Variants in TBC1D5 observed in about 807,000 individuals in gnomAD.
TBC1D5 encodes TBC1 domain family, member 5.
Under a neutral mutation model 100.3 loss-of-function variants are expected in TBC1D5, and 75 were observed. The observed-to-expected ratio is 0.75, with a 90% CI of 0.62 to 0.91. The LOEUF (loss-of-function observed/expected upper bound fraction) is 0.91, where lower values mean the gene tolerates loss of function less well. Ranked by LOEUF, TBC1D5 falls within the 40% of genes least tolerant of loss-of-function variation. TBC1D5 has a pLI of 0.00. For missense variants in TBC1D5, 910 were observed against 942.4 expected (o/e 0.97, Z 0.45); for synonymous variants, 323 against 325.6 (o/e 0.99, Z 0.09).
At chr3:17,716,557 C>T (rs1424435162) in intron 1 of TBC1D5, among the ~76,000 whole-genome samples, 1 of 152,064 alleles carries the variant, frequency 6.6e-6, no homozygotes, top group African/African-American at 2.4e-5. Flanking sequence ...CACCTTTATC[C>T]ATTAAACATA....
chr3:17,308,100 G>A (rs2083584695), exon 14 of TBC1D5: 2 of 1,601,128 alleles, frequency 1.2e-6, no homozygotes, highest in South Asian at 1.1e-5. Context: ...TCCTGCAGGG[G>A]GAACTCTCGT....
At chr3:17,280,633 C>G (rs2080478042) in intron 15 of TBC1D5, among the ~76,000 whole-genome samples, 1 of 152,158 alleles carries the variant, frequency 6.6e-6, no homozygotes, top group Admixed American at 6.5e-5. Context: ...AGGGGAAGAT[C>G]ATCTTCCTGC....
chr3:17,641,220 C>T (rs1489545796), intron 1 of TBC1D5, among the ~76,000 whole-genome samples: 1 of 152,076 alleles, frequency 6.6e-6, no homozygotes, highest in Non-Finnish European at 1.5e-5. Context: ...CCATTGCTTA[C>T]TTAAATCATG....
intron 15 of TBC1D5, among the ~76,000 whole-genome samples, chr3:17,272,223 A>G (rs1200252610): frequency 6.6e-6 from 1 of 152,216 alleles, no homozygotes; most frequent in African/African-American, 2.4e-5. Context: ...GATATCTAGA[A>G]TCTTCAAACT....
At chr3:17,465,966 T>G (rs1339488811) in intron 3 of TBC1D5, among the ~76,000 whole-genome samples, 1 of 152,214 alleles carries the variant, frequency 6.6e-6, no homozygotes, top group Non-Finnish European at 1.5e-5. Context: ...GGACATGATA[T>G]TATTTCAACT....
chr3:17,400,056 C>CT (rs939507067), intron 8 of TBC1D5, among the ~76,000 whole-genome samples: 4 of 152,088 alleles, frequency 2.6e-5, no homozygotes, highest in African/African-American at 9.7e-5. Flanking sequence ...TAATTATTCT[C>CT]TTTATCTATA....
intron 1 of TBC1D5, among the ~76,000 whole-genome samples, chr3:17,626,083 C>T (rs1397596005): frequency 6.6e-6 from 1 of 151,690 alleles, no homozygotes; most frequent in African/African-American, 2.4e-5. Context: ...TTAAGTTGGA[C>T]CATTTGAAGA....
intron 13 of TBC1D5, among the ~76,000 whole-genome samples, chr3:17,334,971 T>A (rs968329469): frequency 1.3e-5 from 2 of 152,118 alleles, no homozygotes; most frequent in Non-Finnish European, 2.9e-5. Flanking sequence ...TACTAAAATC[T>A]GTATAAAATA....
chr3:17,669,398 G>C (rs2067669937), intron 1 of TBC1D5, among the ~76,000 whole-genome samples: 1 of 152,030 alleles, frequency 6.6e-6, no homozygotes, highest in Non-Finnish European at 1.5e-5. Flanking sequence ...TTATAATTCA[G>C]GGGTTAAAAG....
rs78111217 is a variant in TBC1D5, at chr3:17,281,501, G to A, written c.1245+10394C>T. Among the ~76,000 whole-genome samples, 1,347 of 152,292 alleles carry A rather than the reference G, an allele frequency of 8.8e-3. 16 individuals carry two copies. Among genetic ancestry groups the A allele is most frequent in the African/African-American group, 0.03 (1,265 of 41,568 alleles). ...AGCTTGGAGGCTCACCCACGCGTAC[G>A]AAGTGGTCACTCCAGGTTCGTGTGA... On this transcript the variant is annotated intron_variant, in intron 15 of 21. Transcript: ENST00000253692.
At chr3:17,353,157 T>C (rs1051456030) in intron 13 of TBC1D5, among the ~76,000 whole-genome samples, 1 of 152,062 alleles carries the variant, frequency 6.6e-6, no homozygotes, top group Admixed American at 6.6e-5. Flanking sequence ...TGCAAGAGAC[T>C]TGGTATTACA....
At chr3:17,372,089 T>C in exon 13 of TBC1D5, 1 of 1,599,300 alleles carries the variant, frequency 6.3e-7, no homozygotes, top group Non-Finnish European at 8.5e-7. Flanking sequence ...CATATATCTG[T>C]GGTGCAATTT....
intron 15 of TBC1D5, among the ~76,000 whole-genome samples, chr3:17,261,075 T>C (rs1380065494): frequency 2.0e-5 from 3 of 152,176 alleles, no homozygotes; most frequent in Admixed American, 1.3e-4. Flanking sequence ...TACATGGCTA[T>C]AAAAATCAAC....
chr3:17,380,045 ATGTGTGTGTGTG>A (rs3041142), intron 9 of TBC1D5, among the ~76,000 whole-genome samples: 153 of 112,488 alleles, frequency 1.4e-3, no homozygotes, highest in Middle Eastern at 0.013. Context: ...GTGACTGTGT[ATGTGTGTGTGTG>A]TGTGTGTGTG....
intron 3 of TBC1D5, among the ~76,000 whole-genome samples, chr3:17,502,143 T>A (rs967177439): frequency 6.7e-6 from 1 of 149,678 alleles, no homozygotes; most frequent in African/African-American, 2.5e-5. Context: ...ACCGCAGAAC[T>A]CTTCTTCCAC....
At chr3:17,235,033 T>C (rs2148964598) in intron 17 of TBC1D5, among the ~76,000 whole-genome samples, 1 of 152,278 alleles carries the variant, frequency 6.6e-6, no homozygotes, top group South Asian at 2.1e-4. Context: ...GTGCCTACTT[T>C]CTGTATCTTT....
At chr3:17,453,304 T>C (rs971048583) in intron 3 of TBC1D5, among the ~76,000 whole-genome samples, 5 of 147,072 alleles carry the variant, frequency 3.4e-5, no homozygotes, top group African/African-American at 1.3e-4. Context: ...AGAAAAGAAA[T>C]AATGAAGATC....
chr3:17,490,679 G>T (rs2095629174), intron 3 of TBC1D5, among the ~76,000 whole-genome samples: 1 of 152,068 alleles, frequency 6.6e-6, no homozygotes, highest in East Asian at 1.9e-4. Context: ...CTATGTATCT[G>T]GTTTTGTACC....
intron 2 of TBC1D5, among the ~76,000 whole-genome samples, chr3:17,528,359 C>A (rs987208393): frequency 6.6e-6 from 1 of 152,136 alleles, no homozygotes; most frequent in Non-Finnish European, 1.5e-5. Context: ...CCCTTCCATC[C>A]CTTTCACCAT....
Sources: gnomAD v4.1 joint callset for allele counts (sites outside exome capture counted in the v4.1 genomes callset) on GRCh38, gnomAD v4.1.1 for gene constraint, MANE v1.5 for transcripts, NCBI Gene and HGNC (gene_info 2026-07-23, HGNC 2026-07-21) for gene names.